Variants in THSD4 observed in about 807,000 individuals in gnomAD.
The protein encoded by THSD4 is thrombospondin type-1 domain-containing protein 4.
A neutral mutation model predicts 119.0 loss-of-function variants in THSD4; 69 were observed. That is an observed-to-expected ratio of 0.58 (90% CI 0.48 to 0.71). THSD4 has a LOEUF of 0.71. Ranked by LOEUF, THSD4 falls within the 30% of genes least tolerant of loss-of-function variation. The pLI is 0.00. For missense variants in THSD4, 1,393 were observed against 1,391.1 expected (o/e 1.00, Z -0.02); for synonymous variants, 524 against 540.4 (o/e 0.97, Z 0.42).
intron 7 of THSD4, among the ~76,000 whole-genome samples, chr15:71,470,959 A>G (rs1187301400): frequency 6.6e-6 from 1 of 152,222 alleles, no homozygotes; most frequent in African/African-American, 2.4e-5. Context: ...AAACTCATAT[A>G]TAGTTTGAAA....
intron 6 of THSD4, among the ~76,000 whole-genome samples, chr15:71,399,284 T>C (rs2046492121): frequency 6.6e-6 from 1 of 152,178 alleles, no homozygotes. Flanking sequence ...GCTGAATTAA[T>C]TTATATAAAG....
At chr15:71,174,206 C>A (rs1214070271) in intron 3 of THSD4, among the ~76,000 whole-genome samples, 1 of 152,108 alleles carries the variant, frequency 6.6e-6, no homozygotes, top group Non-Finnish European at 1.5e-5. Flanking sequence ...ACGCAGAAGA[C>A]GGGTGATTTC....
chr15:71,475,669 T>G (rs1241331426), intron 7 of THSD4, among the ~76,000 whole-genome samples: 1 of 152,142 alleles, frequency 6.6e-6, no homozygotes, highest in African/African-American at 2.4e-5. Context: ...ATGCCTTTAG[T>G]CTTAGTGCTT....
chr15:71,346,580 A>G (rs551944105), intron 6 of THSD4, among the ~76,000 whole-genome samples: 283 of 152,158 alleles, frequency 1.9e-3, no homozygotes, highest in Non-Finnish European at 3.0e-3. Context: ...TCAAGCTTGT[A>G]TTTTACCAGT....
intron 4 of THSD4, among the ~76,000 whole-genome samples, chr15:71,231,659 TA>T (rs2044062742): frequency 6.6e-6 from 1 of 152,186 alleles, no homozygotes; most frequent in South Asian, 2.1e-4. Flanking sequence ...TGCTGGCCTT[TA>T]AACTCGGGTC....
intron 10 of THSD4, among the ~76,000 whole-genome samples, chr15:71,734,243 C>G (rs753230907): frequency 3.9e-5 from 6 of 152,014 alleles, no homozygotes; most frequent in Non-Finnish European, 8.8e-5. Context: ...CACATAATTG[C>G]CAAAACTTGG....
At chr15:71,696,963 A>G (rs1022785059) in intron 8 of THSD4, among the ~76,000 whole-genome samples, 2 of 152,244 alleles carry the variant, frequency 1.3e-5, no homozygotes, top group African/African-American at 2.4e-5. Context: ...TGCAGTGTAC[A>G]GGACAGTCAC....
chr15:71,264,788 T>C (rs2044444969), intron 6 of THSD4, among the ~76,000 whole-genome samples: 1 of 152,164 alleles, frequency 6.6e-6, no homozygotes. Context: ...GATCCAGGTA[T>C]AGGAGAGGCA....
intron 7 of THSD4, among the ~76,000 whole-genome samples, chr15:71,532,707 T>C (rs1390485470): frequency 1.3e-5 from 2 of 152,238 alleles, no homozygotes; most frequent in Non-Finnish European, 2.9e-5. Context: ...ATAATATAGA[T>C]GTTTGACAAA....
chr15:71,435,225 A>T (rs2046996927), intron 7 of THSD4, among the ~76,000 whole-genome samples: 1 of 152,180 alleles, frequency 6.6e-6, no homozygotes, highest in African/African-American at 2.4e-5. Flanking sequence ...TGACTGGGAA[A>T]CCAACCCCAG....
intron 6 of THSD4, among the ~76,000 whole-genome samples, chr15:71,391,308 C>T (rs886867952): frequency 2.0e-5 from 3 of 152,044 alleles, no homozygotes; most frequent in South Asian, 2.1e-4. Flanking sequence ...GGATTACAGG[C>T]GTGAGCCACC....
chr15:71,667,887 A>G (rs888690738), intron 8 of THSD4, among the ~76,000 whole-genome samples: 21 of 152,184 alleles, frequency 1.4e-4, no homozygotes, highest in African/African-American at 4.8e-4. Flanking sequence ...TTCACAGTTC[A>G]TTGTGTATTC....
rs2051825026 is a variant in THSD4 at position 71,682,922 on chromosome 15, T to TTTG, written c.1357+22190_1357+22191insGTT. Among the ~76,000 whole-genome samples the TTTG allele has an allele frequency of 1.7e-5, 2 of 120,884 alleles. 1 individual carries two copies. Among genetic ancestry groups the TTTG allele is most frequent in the African/African-American group, 6.6e-5 (2 of 30,406 alleles). The allele number at this position is 120,884 out of a possible 152,430, so 79.3% of individuals were successfully genotyped here. A position where few individuals can be genotyped will look rare whatever the true frequency, so the allele number is the denominator to read the frequency against. On this transcript the variant is annotated intron_variant, in intron 8 of 17. Coordinates refer to ENST00000261862, the MANE Select transcript of THSD4 (RefSeq NM_024817.3). ...TTTCTTTCTTTCTTCTTCTTCTTCT[T>TTTG]TTTTTTTTTTTTTTTTTGAGTCGAG...
intron 6 of THSD4, among the ~76,000 whole-genome samples, chr15:71,287,583 A>G (rs1016129983): frequency 6.6e-6 from 1 of 152,214 alleles, no homozygotes; most frequent in Non-Finnish European, 1.5e-5. Context: ...TGTTCCTGGG[A>G]AAAGCCCTTA....
chr15:71,636,185 G>T (rs1448351299), intron 7 of THSD4, among the ~76,000 whole-genome samples: 1 of 152,202 alleles, frequency 6.6e-6, no homozygotes, highest in Admixed American at 6.5e-5. Context: ...ACTTTGGGAG[G>T]CCGAGGCGGG....
intron 7 of THSD4, among the ~76,000 whole-genome samples, chr15:71,595,563 T>G (rs1241268875): frequency 5.3e-5 from 8 of 152,154 alleles, no homozygotes; most frequent in Admixed American, 5.2e-4. Context: ...CAGTTTCAAA[T>G]GTCTTTATCA....
intron 10 of THSD4, among the ~76,000 whole-genome samples, chr15:71,736,519 G>GTCTCTGTCTCTCTTGC (rs2053113239): frequency 7.6e-6 from 1 of 131,994 alleles, no homozygotes; most frequent in Non-Finnish European, 1.7e-5. Flanking sequence ...CTCTATCTGT[G>GTCTCTGTCTCTCTTGC]TCTCTGTCTC....
At chr15:71,577,452 C>G (rs2049471342) in intron 7 of THSD4, among the ~76,000 whole-genome samples, 1 of 152,088 alleles carries the variant, frequency 6.6e-6, no homozygotes, top group Admixed American at 6.5e-5. Flanking sequence ...TTGTAAAATA[C>G]GAGGAGGATA....
intron 4 of THSD4, among the ~76,000 whole-genome samples, chr15:71,237,144 A>G (rs1567165493): frequency 2.0e-5 from 3 of 151,946 alleles, no homozygotes; most frequent in Non-Finnish European, 4.4e-5. Context: ...TAAGCCAAGG[A>G]GTTTGGGTGG....
Sources: allele counts gnomAD v4.1 joint callset (sites outside exome capture counted in the v4.1 genomes callset), GRCh38; gene constraint gnomAD v4.1.1; transcripts MANE v1.5; gene names NCBI Gene and HGNC (gene_info 2026-07-23, HGNC 2026-07-21).